The following SMYD3 variants were observed in gnomAD, a reference collection of about 807,000 sequenced individuals.
The protein encoded by SMYD3 is histone-lysine N-methyltransferase SMYD3.
A neutral mutation model predicts 57.7 loss-of-function variants in SMYD3; 36 were observed. The ratio of observed to expected loss-of-function variants is 0.62; its 90% confidence interval spans 0.48 to 0.82. The LOEUF is 0.82. Ranked by LOEUF, SMYD3 falls within the 40% of genes least tolerant of loss-of-function variation. The pLI, the probability that SMYD3 is intolerant of heterozygous loss-of-function variation, is 0.00. For missense variants in SMYD3, 515 were observed against 538.8 expected (o/e 0.96, Z 0.44); for synonymous variants, 211 against 195.0 (o/e 1.08, Z -0.68).
intron 5 of SMYD3, among the ~76,000 whole-genome samples, chr1:246,112,844 A>G (rs2061269496): frequency 6.6e-6 from 1 of 152,228 alleles, no homozygotes; most frequent in African/African-American, 2.4e-5. Context: ...GTATAAGTAA[A>G]AACACTAATG....
At chr1:246,457,448 A>G (rs1341752820) in intron 1 of SMYD3, among the ~76,000 whole-genome samples, 1 of 148,480 alleles carries the variant, frequency 6.7e-6, no homozygotes, top group Non-Finnish European at 1.5e-5. Context: ...CAGGAGAATC[A>G]CTTGCACCTG....
intron 5 of SMYD3, among the ~76,000 whole-genome samples, chr1:246,012,513 A>T (rs905298342): frequency 6.6e-6 from 1 of 152,056 alleles, no homozygotes; most frequent in Non-Finnish European, 1.5e-5. Context: ...TTGTGATTTC[A>T]CCTTCCAGGA....
At position 246,317,348 on chromosome 1, in the gene SMYD3, C is replaced by T. The variant is rs148508930; in HGVS notation, c.531+9853G>A. ...GTAGAGAATTTTCTCCCAGCACATC[C>T]TATTTCCAATTGTGTGCAAAAAACC... On this transcript the variant is annotated intron_variant, in intron 5 of 11. Transcript: ENST00000490107. Among the ~76,000 whole-genome samples the T allele has an allele frequency of 2.7e-3, 414 of 152,354 alleles. 4 individuals carry two copies. Among genetic ancestry groups the T allele is most frequent in the African/African-American group, 9.4e-3 (391 of 41,582 alleles).
chr1:246,039,760 C>A (rs980313802), intron 5 of SMYD3, among the ~76,000 whole-genome samples: 1 of 152,110 alleles, frequency 6.6e-6, no homozygotes, highest in South Asian at 2.1e-4. Context: ...CGTGGAGAGG[C>A]GTTTTCTCAA....
intron 1 of SMYD3, among the ~76,000 whole-genome samples, chr1:246,395,178 A>G (rs2066639779): frequency 6.6e-6 from 1 of 152,224 alleles, no homozygotes; most frequent in Admixed American, 6.5e-5. Flanking sequence ...TGCTCCCTCC[A>G]TTTTAAAACA....
intron 5 of SMYD3, among the ~76,000 whole-genome samples, chr1:246,090,486 A>C (rs2060802318): frequency 6.7e-6 from 1 of 149,942 alleles, no homozygotes; most frequent in African/African-American, 2.5e-5. Context: ...CTCTCTCTAT[A>C]GAGAAAGAGA....
intron 5 of SMYD3, among the ~76,000 whole-genome samples, chr1:245,963,425 C>A (rs554897054): frequency 2.0e-5 from 3 of 152,218 alleles, no homozygotes; most frequent in South Asian, 2.1e-4. Flanking sequence ...CCGGTAGAAA[C>A]CTCAATTGTA....
chr1:246,478,837 G>A (rs1239099146), intron 1 of SMYD3, among the ~76,000 whole-genome samples: 32 of 108,848 alleles, frequency 2.9e-4, no homozygotes, highest in African/African-American at 8.7e-4. Context: ...CCTGTCCTCC[G>A]TCCTGGAGCT....
intron 6 of SMYD3, among the ~76,000 whole-genome samples, chr1:245,928,685 A>C (rs1200408463): frequency 1.3e-5 from 2 of 152,176 alleles, no homozygotes; most frequent in Non-Finnish European, 2.9e-5. Context: ...AAAAAAAAAA[A>C]TACTCAGACA....
At chr1:246,079,006 CTCA>C (rs1444298326) in intron 5 of SMYD3, among the ~76,000 whole-genome samples, 1 of 151,640 alleles carries the variant, frequency 6.6e-6, no homozygotes, top group East Asian at 1.9e-4. Context: ...AAAACCTTCT[CTCA>C]TCATTCTTTT....
At chr1:246,026,437 G>A (rs2059575526) in intron 5 of SMYD3, among the ~76,000 whole-genome samples, 2 of 152,124 alleles carry the variant, frequency 1.3e-5, no homozygotes, top group African/African-American at 4.8e-5. Flanking sequence ...TGGATCTTGT[G>A]TTTACTAGAT....
At chr1:246,129,734 A>G (rs965650719) in intron 5 of SMYD3, among the ~76,000 whole-genome samples, 75 of 152,196 alleles carry the variant, frequency 4.9e-4, no homozygotes, top group African/African-American at 1.8e-3. Context: ...CGTAACATGA[A>G]TAATTTCCCC....
At chr1:246,028,378 A>T (rs1214119112) in intron 5 of SMYD3, among the ~76,000 whole-genome samples, 1 of 152,208 alleles carries the variant, frequency 6.6e-6, no homozygotes, top group Non-Finnish European at 1.5e-5. Flanking sequence ...TGAACTGATA[A>T]ATGAATTCAG....
intron 2 of SMYD3, among the ~76,000 whole-genome samples, chr1:246,348,952 GA>G (rs898415386): frequency 2.3e-4 from 35 of 150,816 alleles, no homozygotes; most frequent in African/African-American, 4.4e-4. Context: ...AGTACTGAGA[GA>G]AAAAAAAATT....
At chr1:245,948,515 G>C (rs527896556) in intron 5 of SMYD3, among the ~76,000 whole-genome samples, 1 of 152,100 alleles carries the variant, frequency 6.6e-6, no homozygotes, top group Non-Finnish European at 1.5e-5. Context: ...GCTGCCCGGG[G>C]ACCACGCTGT....
chr1:246,258,382 C>G (rs1185003996), intron 5 of SMYD3, among the ~76,000 whole-genome samples: 1 of 152,144 alleles, frequency 6.6e-6, no homozygotes, highest in Non-Finnish European at 1.5e-5. Flanking sequence ...TACAGAACAC[C>G]TTTAAGGAAC....
intron 5 of SMYD3, among the ~76,000 whole-genome samples, chr1:246,234,344 C>T (rs1405287432): frequency 6.6e-6 from 1 of 151,810 alleles, no homozygotes; most frequent in Non-Finnish European, 1.5e-5. Flanking sequence ...ACATGTACCA[C>T]ATGGAGGAGA....
At chr1:246,272,871 C>T (rs4654234) in intron 5 of SMYD3, among the ~76,000 whole-genome samples, 51,290 of 152,006 alleles carry the variant, frequency 0.34, 9,523 homozygotes, top group East Asian at 0.72. Flanking sequence ...GTATCAGCTT[C>T]TCTATAAATG....
intron 8 of SMYD3, among the ~76,000 whole-genome samples, chr1:245,892,518 G>A (rs571647818): frequency 2.9e-4 from 44 of 152,254 alleles, no homozygotes; most frequent in African/African-American, 7.9e-4. Context: ...TCTTTCCACC[G>A]TATCAAGCTG....
Sources: gnomAD v4.1 joint callset for allele counts (sites outside exome capture counted in the v4.1 genomes callset) on GRCh38, gnomAD v4.1.1 for gene constraint, MANE v1.5 for transcripts, NCBI Gene and HGNC (gene_info 2026-07-23, HGNC 2026-07-21) for gene names.